Variants in PLXDC2 observed in about 807,000 individuals in gnomAD.
PLXDC2 encodes plexin domain-containing protein 2.
In PLXDC2, 40 loss-of-function variants were observed where a neutral mutation model predicts 68.9. The ratio of observed to expected loss-of-function variants is 0.58; its 90% CI spans 0.45 to 0.76. The LOEUF (loss-of-function observed/expected upper bound fraction) is 0.76. Among genes scored for constraint, PLXDC2 ranks in the 30% least tolerant of loss-of-function variants. The pLI, the probability that PLXDC2 is intolerant of heterozygous loss-of-function variation, is 0.00. For missense variants in PLXDC2, 644 were observed against 661.9 expected, an observed-to-expected ratio of 0.97 and a Z score of 0.30; for synonymous variants, 243 against 234.2, an observed-to-expected ratio of 1.04 and a Z score of -0.34.
At chr10:20,028,476 A>C (rs1458836807) in intron 2 of PLXDC2, among the ~76,000 whole-genome samples, 4 of 152,248 alleles carry the variant, frequency 2.6e-5, no homozygotes, top group South Asian at 4.1e-4. Flanking sequence ...GTGAGTTGCG[A>C]ATGTACTATA....
intron 4 of PLXDC2, among the ~76,000 whole-genome samples, chr10:20,140,053 C>A (rs527989502): frequency 6.6e-6 from 1 of 152,142 alleles, no homozygotes; most frequent in Non-Finnish European, 1.5e-5. Context: ...GTAATCCCAG[C>A]ACTTTGGGAG....
intron 4 of PLXDC2, among the ~76,000 whole-genome samples, chr10:20,129,909 G>T (rs1323747263): frequency 6.6e-6 from 1 of 151,946 alleles, no homozygotes; most frequent in African/African-American, 2.4e-5. Flanking sequence ...TTTGATTTCT[G>T]TAGCTTTGTA....
chr10:19,822,418 A>G (rs1052822518), intron 1 of PLXDC2, among the ~76,000 whole-genome samples: 1 of 152,046 alleles, frequency 6.6e-6, no homozygotes, highest in Non-Finnish European at 1.5e-5. Flanking sequence ...TATTGTGAAT[A>G]ATGCTTCAAT....
At chr10:20,201,994 A>G (rs1390393763) in intron 9 of PLXDC2, among the ~76,000 whole-genome samples, 1 of 152,152 alleles carries the variant, frequency 6.6e-6, no homozygotes, top group Non-Finnish European at 1.5e-5. Flanking sequence ...CAAAATGGTT[A>G]TTTTTAAAAC....
chr10:20,257,910 C>G (rs1233496715), intron 13 of PLXDC2, among the ~76,000 whole-genome samples: 1 of 151,514 alleles, frequency 6.6e-6, no homozygotes, highest in Non-Finnish European at 1.5e-5. Context: ...GATTAAATAC[C>G]CATGCTTTCT....
At chr10:19,976,826 T>C (rs1473367094) in intron 1 of PLXDC2, among the ~76,000 whole-genome samples, 1 of 150,284 alleles carries the variant, frequency 6.7e-6, no homozygotes, top group Non-Finnish European at 1.5e-5. Context: ...CTCTCTTTTA[T>C]TTTTTTTTTC....
intron 2 of PLXDC2, among the ~76,000 whole-genome samples, chr10:20,006,043 A>G (rs1219154766): frequency 1.3e-5 from 2 of 152,016 alleles, no homozygotes; most frequent in Non-Finnish European, 2.9e-5. Flanking sequence ...TACAAAAATT[A>G]GCTGGCGAGT....
intron 9 of PLXDC2, among the ~76,000 whole-genome samples, chr10:20,197,229 A>G (rs1834851852): frequency 6.6e-6 from 1 of 152,212 alleles, no homozygotes; most frequent in African/African-American, 2.4e-5. Flanking sequence ...AATATGCAAC[A>G]TTTCATTCAT....
chr10:20,118,105 T>TACACAC (rs60160833), intron 4 of PLXDC2, among the ~76,000 whole-genome samples: 23 of 146,822 alleles, frequency 1.6e-4, no homozygotes, highest in South Asian at 4.5e-4. Flanking sequence ...CATATATGCC[T>TACACAC]ACACACACAC....
chr10:20,192,941 T>TC, intron 9 of PLXDC2, among the ~76,000 whole-genome samples: 1 of 152,122 alleles, frequency 6.6e-6, no homozygotes, highest in East Asian at 1.9e-4. Context: ...ATCAGATTAG[T>TC]CCCCTCTACA....
chr10:19,955,159 G>A (rs1228718069), intron 1 of PLXDC2, among the ~76,000 whole-genome samples: 1 of 145,102 alleles, frequency 6.9e-6, no homozygotes, highest in East Asian at 2.0e-4. Flanking sequence ...CTGAGTAGCT[G>A]GGACTATCGG....
At chr10:20,004,427 A>G (rs1442261173) in intron 2 of PLXDC2, among the ~76,000 whole-genome samples, 2 of 152,168 alleles carry the variant, frequency 1.3e-5, no homozygotes, top group Non-Finnish European at 1.5e-5. Flanking sequence ...GGGGTAGGCA[A>G]CATAATTCTT....
At chr10:20,277,247 T>G (rs1836020548) in intron 13 of PLXDC2, among the ~76,000 whole-genome samples, 1 of 151,092 alleles carries the variant, frequency 6.6e-6, no homozygotes, top group Non-Finnish European at 1.5e-5. Flanking sequence ...GTCCCATTCT[T>G]TTCATTTATA....
At chr10:19,830,385 A>C (rs1836665704) in intron 1 of PLXDC2, among the ~76,000 whole-genome samples, 1 of 152,158 alleles carries the variant, frequency 6.6e-6, no homozygotes, top group Non-Finnish European at 1.5e-5. Context: ...TCTACCATGT[A>C]ATCAACAGTT....
chr10:19,861,194 C>A (rs557855630), intron 1 of PLXDC2, among the ~76,000 whole-genome samples: 3 of 152,096 alleles, frequency 2.0e-5, no homozygotes, highest in African/African-American at 7.2e-5. Context: ...ACCACCACGC[C>A]TGGCTAATTT....
intron 4 of PLXDC2, among the ~76,000 whole-genome samples, chr10:20,089,706 G>A (rs1833250961): frequency 6.6e-6 from 1 of 152,120 alleles, no homozygotes; most frequent in Admixed American, 6.6e-5. Flanking sequence ...GCGTAAATTG[G>A]TCCAAGGTGA....
At chr10:19,899,116 C>T (rs921838566) in intron 1 of PLXDC2, among the ~76,000 whole-genome samples, 13 of 152,184 alleles carry the variant, frequency 8.5e-5, no homozygotes, top group African/African-American at 2.4e-5. Context: ...CTTTGCCTGT[C>T]TCCTGCTCCT....
rs557717310 is a variant in PLXDC2, at chr10:20,069,434, A to T, written c.541+1195A>T. On this transcript the variant is annotated intron_variant, in intron 4 of 13. Transcript: ENST00000377252. Reference sequence around the variant, plus strand: ...CTACTTTGGAAGCTCAGGTGGGAGGATCGCTTGAGCCCAGGAGTTGAAGAC... The same window carrying T: ...CTACTTTGGAAGCTCAGGTGGGAGGTTCGCTTGAGCCCAGGAGTTGAAGAC... Among the ~76,000 whole-genome samples, 243 of 152,256 alleles carry T rather than the reference A, an allele frequency of 1.6e-3. 1 individual carries two copies. The highest frequency in any genetic ancestry group is 2.7e-3 in the Non-Finnish European group (184 of 68,016).
intron 4 of PLXDC2, among the ~76,000 whole-genome samples, chr10:20,134,711 T>C (rs190892164): frequency 6.6e-6 from 1 of 152,276 alleles, no homozygotes; most frequent in African/African-American, 2.4e-5. Flanking sequence ...AACTACTTTG[T>C]ACCGGGTGCC....
Sources: allele counts gnomAD v4.1 joint callset (sites outside exome capture counted in the v4.1 genomes callset), GRCh38; gene constraint gnomAD v4.1.1; transcripts MANE v1.5; gene names NCBI Gene and HGNC (gene_info 2026-07-23, HGNC 2026-07-21).